The following CCSER2 variants were observed in gnomAD, a reference collection of about 807,000 sequenced individuals.
CCSER2 encodes the protein serine-rich coiled-coil domain-containing protein 2.
CCSER2 carries 46 observed loss-of-function variants against 92.3 expected under a neutral mutation model. That is an observed-to-expected ratio of 0.50 (90% CI 0.39 to 0.64). The LOEUF (loss-of-function observed/expected upper bound fraction) is 0.64, where lower values mean the gene tolerates loss of function less well. Among genes scored for constraint, CCSER2 ranks in the 30% least tolerant of loss-of-function variants. The probability of loss-of-function intolerance (pLI) is 0.00; values close to 1 mark genes in which losing one functional copy is unlikely to be tolerated. For missense variants in CCSER2, 1,244 were observed against 1,238.9 expected, an observed-to-expected ratio of 1.00 and a Z score of -0.06; for synonymous variants, 433 against 431.4, an observed-to-expected ratio of 1.00 and a Z score of -0.04.
chr10:84,510,391 A>G (rs1849290262), intron 9 of CCSER2, among the ~76,000 whole-genome samples: 1 of 152,182 alleles, frequency 6.6e-6, no homozygotes, highest in African/African-American at 2.4e-5. Context: ...CGCTTAAGAC[A>G]TGATCTCACC....
intron 3 of CCSER2, among the ~76,000 whole-genome samples, chr10:84,378,183 CTTTTA>C (rs1345037509): frequency 6.6e-6 from 1 of 151,994 alleles, no homozygotes; most frequent in East Asian, 1.9e-4. Flanking sequence ...TGGAAATTCT[CTTTTA>C]TTTTGTTTGC....
chr10:84,348,225 C>T (rs1046749336), intron 1 of CCSER2, among the ~76,000 whole-genome samples: 1 of 152,226 alleles, frequency 6.6e-6, no homozygotes, highest in African/African-American at 2.4e-5. Context: ...CCGAGGCTGG[C>T]GGATCACTCG....
intron 6 of CCSER2, among the ~76,000 whole-genome samples, chr10:84,450,890 A>G (rs1441230432): frequency 6.6e-6 from 1 of 152,224 alleles, no homozygotes; most frequent in Admixed American, 6.5e-5. Context: ...GTAAGATACA[A>G]TCTGAGTGTA....
At chr10:84,471,774 T>A (rs1846816252) in intron 8 of CCSER2, among the ~76,000 whole-genome samples, 1 of 152,078 alleles carries the variant, frequency 6.6e-6, no homozygotes, top group Non-Finnish European at 1.5e-5. Flanking sequence ...ATGTTGGGAT[T>A]TGTTTGGATT....
intron 1 of CCSER2, among the ~76,000 whole-genome samples, chr10:84,364,754 T>TTTG (rs1399938945): frequency 2.6e-5 from 4 of 151,438 alleles, no homozygotes; most frequent in Non-Finnish European, 5.9e-5. Context: ...TTGTTTTTTT[T>TTTG]TTTTTGAGAT....
chr10:84,484,775 G>A (rs994442419), intron 9 of CCSER2, among the ~76,000 whole-genome samples: 2 of 152,178 alleles, frequency 1.3e-5, no homozygotes, highest in South Asian at 4.1e-4. Context: ...GAGACATTGT[G>A]TGGCATGCAG....
At chr10:84,354,430 A>G (rs1845044479) in intron 1 of CCSER2, among the ~76,000 whole-genome samples, 1 of 152,180 alleles carries the variant, frequency 6.6e-6, no homozygotes, top group Non-Finnish European at 1.5e-5. Context: ...TTTGGTTCTT[A>G]GTTTACTTAT....
intron 1 of CCSER2, among the ~76,000 whole-genome samples, chr10:84,332,399 T>G (rs1843604851): frequency 1.4e-5 from 2 of 141,766 alleles, no homozygotes; most frequent in South Asian, 4.3e-4. Context: ...TTTATATTAT[T>G]AAATTTATTT....
At chr10:84,336,201 T>C (rs1037387860) in intron 1 of CCSER2, among the ~76,000 whole-genome samples, 1 of 152,210 alleles carries the variant, frequency 6.6e-6, no homozygotes, top group Non-Finnish European at 1.5e-5. Flanking sequence ...ATTCCTTCAA[T>C]CCTGGCTTAG....
chr10:84,421,965 G>A (rs1843174553), intron 4 of CCSER2, among the ~76,000 whole-genome samples: 1 of 152,186 alleles, frequency 6.6e-6, no homozygotes, highest in Non-Finnish European at 1.5e-5. Context: ...ATTCTCTGTA[G>A]TATTCCTGCC....
intron 1 of CCSER2, among the ~76,000 whole-genome samples, chr10:84,358,418 A>G (rs1845306241): frequency 6.6e-6 from 1 of 152,050 alleles, no homozygotes; most frequent in Admixed American, 6.6e-5. Flanking sequence ...TTGTAAGTAT[A>G]TTTTTATAGA....
Position 84,514,213 on chromosome 10 carries a change from G to A in CCSER2, c.3090G>A (p.Gly1030=), listed in dbSNP as rs1589854169. The A allele has an allele frequency of 3.9e-6, 6 of 1,536,390 alleles. No homozygotes were observed. In the East Asian group the frequency reaches 1.5e-4, roughly 38 times the overall value. ...MQNPNGNLHS[G]DCLASNRYSR... Reference sequence around the variant, plus strand: ...ATCCAAATGGCAATTTGCATTCTGGGGATTGTTTGGCCTCTAATCGATATT... The same window carrying A: ...ATCCAAATGGCAATTTGCATTCTGGAGATTGTTTGGCCTCTAATCGATATT... Residue 1030 remains glycine (G), a synonymous_variant, in exon 10 of 10, where the codon GGG becomes GGA. Coordinates refer to ENST00000372088, the MANE Select transcript of CCSER2 (RefSeq NM_001284240.2).
At chr10:84,383,788 G>A (rs1361248893) in intron 3 of CCSER2, among the ~76,000 whole-genome samples, 1 of 152,046 alleles carries the variant, frequency 6.6e-6, no homozygotes, top group Non-Finnish European at 1.5e-5. Context: ...GAATAACAAA[G>A]ATCAGAGCAG....
intron 5 of CCSER2, among the ~76,000 whole-genome samples, chr10:84,437,921 G>A (rs1368517031): frequency 6.6e-6 from 1 of 151,630 alleles, no homozygotes; most frequent in Non-Finnish European, 1.5e-5. Flanking sequence ...ACCGAGAGTA[G>A]ATTTTTTTAA....
chr10:84,488,350 G>A (rs1847935186), intron 9 of CCSER2, among the ~76,000 whole-genome samples: 1 of 152,156 alleles, frequency 6.6e-6, no homozygotes, highest in Non-Finnish European at 1.5e-5. Flanking sequence ...GTAGAATTCG[G>A]CTGTGAATCC....
chr10:84,503,290 C>T (rs1292254786), intron 9 of CCSER2, among the ~76,000 whole-genome samples: 2 of 152,096 alleles, frequency 1.3e-5, no homozygotes. Flanking sequence ...ATTTTTCCTT[C>T]TCAGGAAATT....
intron 3 of CCSER2, chr10:84,389,558 G>A (rs1372789273): frequency 4.1e-6 from 1 of 244,566 alleles, no homozygotes; most frequent in Non-Finnish European, 8.3e-6. Flanking sequence ...ATGTGGCATT[G>A]ACTTTACCTC....
chr10:84,394,385 A>ATGTGTGTGTGTGTGTGTGTGTG (rs60891669), intron 3 of CCSER2, among the ~76,000 whole-genome samples: 1 of 132,600 alleles, frequency 7.5e-6, no homozygotes, highest in Non-Finnish European at 1.5e-5. Flanking sequence ...AAAGGAAAGT[A>ATGTGTGTGTGTGTGTGTGTGTG]TGTGTGTGTG....
chr10:84,421,206 G>T (rs1459568700), intron 4 of CCSER2, among the ~76,000 whole-genome samples: 1 of 152,228 alleles, frequency 6.6e-6, no homozygotes, highest in African/African-American at 2.4e-5. Context: ...GCAAAAATAA[G>T]GAGAGAATGT....
Sources: allele counts gnomAD v4.1 joint callset (sites outside exome capture counted in the v4.1 genomes callset), GRCh38; gene constraint gnomAD v4.1.1; transcripts MANE v1.5; gene names NCBI Gene and HGNC (gene_info 2026-07-23, HGNC 2026-07-21).